The following CNTNAP5 variants were observed in gnomAD, a reference collection of about 807,000 sequenced individuals.
CNTNAP5 encodes the protein contactin associated protein family member 5, also known as contactin-associated protein-like 5.
Under a neutral mutation model 150.2 loss-of-function variants are expected in CNTNAP5, and 72 were observed. That is an observed-to-expected ratio of 0.48 (90% confidence interval 0.40 to 0.58). The LOEUF (loss-of-function observed/expected upper bound fraction) is 0.58, where lower values mean the gene tolerates loss of function less well. CNTNAP5 is among the 20% of genes least tolerant of loss of function. The probability of loss-of-function intolerance (pLI) is 0.00; values close to 1 mark genes in which losing one functional copy is unlikely to be tolerated. For missense variants in CNTNAP5, 1,636 were observed against 1,626.2 expected (o/e 1.01, Z -0.10); for synonymous variants, 672 against 619.8 (o/e 1.08, Z -1.25).
chr2:124,880,849 A>G (rs1677950048), intron 21 of CNTNAP5, among the ~76,000 whole-genome samples: 1 of 152,146 alleles, frequency 6.6e-6, no homozygotes, highest in African/African-American at 2.4e-5. Flanking sequence ...GATCATTTCT[A>G]GCTGAGATGA....
chr2:124,707,206 A>AGAAGAAGAAGAAGAAGAAGAAGAAGAG (rs1679709073), intron 13 of CNTNAP5, among the ~76,000 whole-genome samples: 1 of 146,138 alleles, frequency 6.8e-6, no homozygotes, highest in African/African-American at 2.6e-5. Flanking sequence ...AAGAAGAAGA[A>AGAAGAAGAAGAAGAAGAAGAAGAAGAG]TAAACAACTT....
chr2:124,557,618 A>T (rs1315022559), intron 10 of CNTNAP5, among the ~76,000 whole-genome samples: 4 of 152,164 alleles, frequency 2.6e-5, no homozygotes, highest in Non-Finnish European at 5.9e-5. Flanking sequence ...ATTTTCAGAG[A>T]AACAGACACT....
At chr2:124,557,051 G>A (rs1695774132) in intron 10 of CNTNAP5, among the ~76,000 whole-genome samples, 1 of 151,324 alleles carries the variant, frequency 6.6e-6, no homozygotes, top group Non-Finnish European at 1.5e-5. Context: ...TCATGCATAA[G>A]GGTTCTGCTT....
At chr2:124,838,939 T>A (rs1682885996) in intron 19 of CNTNAP5, among the ~76,000 whole-genome samples, 1 of 152,120 alleles carries the variant, frequency 6.6e-6, no homozygotes, top group Non-Finnish European at 1.5e-5. Flanking sequence ...AAACAGAATC[T>A]CTGTCTTCCC....
chr2:124,133,466 G>A (rs1317931899), intron 1 of CNTNAP5, among the ~76,000 whole-genome samples: 1 of 152,024 alleles, frequency 6.6e-6, no homozygotes, highest in African/African-American at 2.4e-5. Flanking sequence ...CTCTTTAAAG[G>A]GCCTGGTCAC....
At chr2:124,376,312 C>G (rs773756495) in intron 3 of CNTNAP5, among the ~76,000 whole-genome samples, 4 of 151,714 alleles carry the variant, frequency 2.6e-5, no homozygotes, top group Admixed American at 6.6e-5. Flanking sequence ...TGTATTATTC[C>G]CAAAGGCAGA....
chr2:124,626,050 C>T (rs1677715776), intron 12 of CNTNAP5, among the ~76,000 whole-genome samples: 1 of 152,092 alleles, frequency 6.6e-6, no homozygotes, highest in Non-Finnish European at 1.5e-5. Context: ...ACCCAACACA[C>T]CCAGTACAAT....
At chr2:124,842,281 G>A (rs960334952) in intron 19 of CNTNAP5, among the ~76,000 whole-genome samples, 2 of 152,180 alleles carry the variant, frequency 1.3e-5, no homozygotes, top group East Asian at 1.9e-4. Flanking sequence ...ATAAAACATC[G>A]GTCAGTTTCT....
At chr2:124,770,246 G>A (rs1316734894) in intron 16 of CNTNAP5, among the ~76,000 whole-genome samples, 3 of 152,166 alleles carry the variant, frequency 2.0e-5, no homozygotes, top group South Asian at 2.1e-4. Flanking sequence ...CTGGGTATAC[G>A]ATAAATCAGA....
At position 124,868,542 on chromosome 2, in the gene CNTNAP5, C is replaced by T. The variant is rs1454694686; in HGVS notation, c.3349-1133C>T. ...CTGATCAGCTTATTTAATAGAGCAA[C>T]CTATTTCCTTGACGTCAACCCTACA... On this transcript the variant is annotated intron_variant, in intron 20 of 23. Transcript: ENST00000682447. Among the ~76,000 whole-genome samples the T allele has an allele frequency of 2.0e-5, 3 of 152,132 alleles. No homozygotes were observed. In the East Asian group the frequency reaches 5.8e-4, roughly 29 times the overall value.
intron 8 of CNTNAP5, among the ~76,000 whole-genome samples, chr2:124,517,078 G>A (rs576391187): frequency 1.3e-5 from 2 of 152,258 alleles, no homozygotes; most frequent in East Asian, 3.9e-4. Flanking sequence ...TTGTGCTGTT[G>A]GTAATGGAAG....
At chr2:124,619,446 C>G (rs930348468) in intron 12 of CNTNAP5, among the ~76,000 whole-genome samples, 1 of 152,088 alleles carries the variant, frequency 6.6e-6, no homozygotes, top group Non-Finnish European at 1.5e-5. Flanking sequence ...ACAGAAGAAT[C>G]GGCTTCTGAG....
At chr2:124,886,776 T>A (rs565712703) in intron 21 of CNTNAP5, among the ~76,000 whole-genome samples, 15 of 152,108 alleles carry the variant, frequency 9.9e-5, no homozygotes, top group African/African-American at 3.4e-4. Context: ...AATTCCAAAC[T>A]CCCCCTGCTT....
intron 1 of CNTNAP5, among the ~76,000 whole-genome samples, chr2:124,197,917 C>A (rs1685628615): frequency 6.6e-6 from 1 of 151,702 alleles, no homozygotes; most frequent in Non-Finnish European, 1.5e-5. Context: ...GGAAGCGGAG[C>A]TTGCAGTGAG....
At chr2:124,457,989 A>G (rs1574008015) in intron 6 of CNTNAP5, among the ~76,000 whole-genome samples, 1 of 149,642 alleles carries the variant, frequency 6.7e-6, no homozygotes, top group South Asian at 2.1e-4. Context: ...TACAACCACT[A>G]TGGAAAACAG....
chr2:124,242,354 A>T lies in CNTNAP5; in HGVS notation c.342A>T (p.Gly114=). 1 of 1,613,386 alleles carries T rather than the reference A, an allele frequency of 6.2e-7. No individual in the cohort carries two copies. The highest frequency in any genetic ancestry group is 2.2e-5 in the East Asian group (1 of 44,710). The change falls in exon 3 of 24, where the codon GGA becomes GGT. Residue 114 remains glycine, a synonymous_variant. Transcript: ENST00000682447. The part of the protein sequence containing the change: ...TSYSLMFSDT[G]RNWKQYKQED... The stretch of plus-strand genomic sequence containing the variant: ...ACAGCCTGATGTTCAGTGACACAGG[A>T]CGCAACTGGAAACAGTACAAACAAG...
At chr2:124,782,359 A>T (rs1466345121) in intron 17 of CNTNAP5, among the ~76,000 whole-genome samples, 1 of 152,130 alleles carries the variant, frequency 6.6e-6, no homozygotes, top group Non-Finnish European at 1.5e-5. Flanking sequence ...ATATTTCAGT[A>T]TTTTATCCTT....
Position 124,064,054 on chromosome 2 carries a change from G to A in CNTNAP5, c.82+38322G>A, listed in dbSNP as rs1003094054. Among the ~76,000 whole-genome samples, 6 of 152,088 alleles carry A rather than the reference G, an allele frequency of 3.9e-5. No individual in the cohort carries two copies. In the East Asian group the frequency reaches 5.8e-4, roughly 15 times the overall value. ...AGACAGCCAGACTTAGGATGAAGCC[G>A]TTGTTTGTAAAAAGAGGAGAAGTAT... On this transcript the variant is annotated intron_variant, in intron 1 of 23. Transcript: ENST00000682447.
chr2:124,654,918 C>CT (rs201163247), intron 13 of CNTNAP5, among the ~76,000 whole-genome samples: 298 of 145,878 alleles, frequency 2.0e-3, no homozygotes, highest in African/African-American at 2.6e-3. Context: ...TAGTATTTGA[C>CT]TTTTTTTTTT....
Sources: gnomAD v4.1 joint callset for allele counts (sites outside exome capture counted in the v4.1 genomes callset) on GRCh38, gnomAD v4.1.1 for gene constraint, MANE v1.5 for transcripts, NCBI Gene and HGNC (gene_info 2026-07-23, HGNC 2026-07-21) for gene names.